Variants in ST6GALNAC3 observed in about 807,000 individuals in gnomAD.
ST6GALNAC3 encodes ST6 N-acetylgalactosaminide alpha-2,6-sialyltransferase 3, also known as alpha-N-acetylgalactosaminide alpha-2,6-sialyltransferase 3.
Under a neutral mutation model 32.7 loss-of-function variants are expected in ST6GALNAC3, and 25 were observed. That is an observed-to-expected ratio of 0.76 (90% confidence interval 0.56 to 1.07). The LOEUF is 1.07. Ranked by LOEUF, ST6GALNAC3 falls within the 50% of genes least tolerant of loss-of-function variation. The pLI is 0.00. For synonymous variants in ST6GALNAC3, 129 were observed against 133.1 expected, an observed-to-expected ratio of 0.97 and a Z score of 0.21; for missense variants, 355 against 382.4, an observed-to-expected ratio of 0.93 and a Z score of 0.60.
intron 3 of ST6GALNAC3, among the ~76,000 whole-genome samples, chr1:76,450,296 C>T (rs1235213141): frequency 6.6e-6 from 1 of 151,938 alleles, no homozygotes; most frequent in Non-Finnish European, 1.5e-5. Context: ...ATCACAAAAC[C>T]ACAATGTGGT....
At chr1:76,469,263 G>A (rs1658860020) in intron 3 of ST6GALNAC3, among the ~76,000 whole-genome samples, 1 of 151,886 alleles carries the variant, frequency 6.6e-6, no homozygotes, top group South Asian at 2.1e-4. Context: ...CCTCCTTCAT[G>A]CCATCATCAT....
At chr1:76,219,547 G>A (rs1424572627) in intron 1 of ST6GALNAC3, among the ~76,000 whole-genome samples, 1 of 152,204 alleles carries the variant, frequency 6.6e-6, no homozygotes, top group East Asian at 1.9e-4. Flanking sequence ...CTTGAGGCCA[G>A]CTTCCCCTGG....
intron 1 of ST6GALNAC3, among the ~76,000 whole-genome samples, chr1:76,132,624 G>A (rs940114614): frequency 1.3e-5 from 2 of 152,170 alleles, no homozygotes; most frequent in Non-Finnish European, 2.9e-5. Flanking sequence ...GCCCTTGGAG[G>A]ACCACTTGTA....
chr1:76,373,886 G>A (rs1651018243), intron 2 of ST6GALNAC3, among the ~76,000 whole-genome samples: 4 of 152,192 alleles, frequency 2.6e-5, no homozygotes, highest in Admixed American at 2.6e-4. Flanking sequence ...CAGAAAAAGT[G>A]TTTTCTAACC....
chr1:76,479,892 C>T (rs12075927), intron 3 of ST6GALNAC3, among the ~76,000 whole-genome samples: 33,276 of 151,654 alleles, frequency 0.22, 5,255 homozygotes, highest in African/African-American at 0.45. Context: ...GATTTATAAG[C>T]TGTAAAAAAA....
intron 2 of ST6GALNAC3, among the ~76,000 whole-genome samples, chr1:76,328,485 C>A (rs919182258): frequency 1.3e-5 from 2 of 152,236 alleles, no homozygotes; most frequent in African/African-American, 2.4e-5. Flanking sequence ...GATGAATTGA[C>A]CTCATATTTC....
At chr1:76,461,581 C>A (rs1247698358) in intron 3 of ST6GALNAC3, among the ~76,000 whole-genome samples, 2 of 152,150 alleles carry the variant, frequency 1.3e-5, no homozygotes, top group Non-Finnish European at 2.9e-5. Flanking sequence ...GCATGGGCAT[C>A]TGCCATGCTT....
intron 1 of ST6GALNAC3, among the ~76,000 whole-genome samples, chr1:76,277,917 CT>C (rs1659262466): frequency 6.6e-6 from 1 of 152,064 alleles, no homozygotes; most frequent in Non-Finnish European, 1.5e-5. Flanking sequence ...AGCTTTAAGT[CT>C]GGTTACACAA....
chr1:76,300,617 T>C (rs933199537), intron 1 of ST6GALNAC3, among the ~76,000 whole-genome samples: 2 of 152,012 alleles, frequency 1.3e-5, no homozygotes, highest in South Asian at 2.1e-4. Flanking sequence ...GTAAACTGAT[T>C]AGTATCACAA....
At chr1:76,258,904 A>G (rs954551671) in intron 1 of ST6GALNAC3, among the ~76,000 whole-genome samples, 6 of 152,186 alleles carry the variant, frequency 3.9e-5, no homozygotes, top group Non-Finnish European at 8.8e-5. Context: ...TGTACTTGTG[A>G]CTGTCAACAT....
intron 3 of ST6GALNAC3, among the ~76,000 whole-genome samples, chr1:76,520,502 A>C (rs543687612): frequency 8.7e-4 from 132 of 152,108 alleles, no homozygotes; most frequent in African/African-American, 2.7e-3. Flanking sequence ...ACACACACAC[A>C]ATAATAAACA....
At chr1:76,571,275 AT>A (rs1316251155) in intron 3 of ST6GALNAC3, among the ~76,000 whole-genome samples, 1 of 152,060 alleles carries the variant, frequency 6.6e-6, no homozygotes, top group East Asian at 1.9e-4. Flanking sequence ...TTCAATTCCA[AT>A]GTCATGCTCT....
chr1:76,550,762 T>C (rs537656558), intron 3 of ST6GALNAC3, among the ~76,000 whole-genome samples: 1 of 152,206 alleles, frequency 6.6e-6, no homozygotes, highest in South Asian at 2.1e-4. Context: ...TTTTGTTTTG[T>C]TTTTTGAGAC....
intron 2 of ST6GALNAC3, among the ~76,000 whole-genome samples, chr1:76,333,327 T>C (rs1166464138): frequency 6.6e-6 from 1 of 152,164 alleles, no homozygotes; most frequent in Non-Finnish European, 1.5e-5. Flanking sequence ...AATAACTTTC[T>C]GGGCATTAAG....
At chr1:76,244,720 G>T (rs750037997) in intron 1 of ST6GALNAC3, among the ~76,000 whole-genome samples, 2 of 152,186 alleles carry the variant, frequency 1.3e-5, no homozygotes, top group Middle Eastern at 3.4e-3. Flanking sequence ...TTTGTCATTG[G>T]TTCTGTTTAT....
intron 1 of ST6GALNAC3, among the ~76,000 whole-genome samples, chr1:76,189,900 A>G (rs1221897637): frequency 6.6e-6 from 1 of 152,172 alleles, no homozygotes; most frequent in Non-Finnish European, 1.5e-5. Context: ...CCGAAATTCT[A>G]AAAGCTCAAT....
At chr1:76,551,308 T>C (rs951539787) in intron 3 of ST6GALNAC3, among the ~76,000 whole-genome samples, 1 of 152,218 alleles carries the variant, frequency 6.6e-6, no homozygotes, top group African/African-American at 2.4e-5. Flanking sequence ...CATTGACATA[T>C]GGATTAATTT....
At chr1:76,107,475 C>G (rs1038373090) in intron 1 of ST6GALNAC3, among the ~76,000 whole-genome samples, 4 of 152,056 alleles carry the variant, frequency 2.6e-5, no homozygotes, top group African/African-American at 7.2e-5. Flanking sequence ...AAGTTGTGTT[C>G]TATTCTTAAC....
intron 1 of ST6GALNAC3, among the ~76,000 whole-genome samples, chr1:76,281,405 C>T (rs1025930521): frequency 6.6e-6 from 1 of 152,212 alleles, no homozygotes; most frequent in Non-Finnish European, 1.5e-5. Context: ...CGTTGGATTG[C>T]AGCCCCAGTG....
Sources: gnomAD v4.1 joint callset for allele counts (sites outside exome capture counted in the v4.1 genomes callset) on GRCh38, gnomAD v4.1.1 for gene constraint, MANE v1.5 for transcripts, NCBI Gene and HGNC (gene_info 2026-07-23, HGNC 2026-07-21) for gene names.